The following FHIT variants were observed in gnomAD, a reference collection of about 807,000 sequenced individuals.
The protein encoded by FHIT is fragile histidine triad diadenosine triphosphatase.
FHIT carries 19 observed loss-of-function variants against 17.9 expected under a neutral mutation model. The ratio of observed to expected loss-of-function variants is 1.06; its 90% CI spans 0.74 to 1.56. The LOEUF (loss-of-function observed/expected upper bound fraction) is 1.56, where lower values mean the gene tolerates loss of function less well. Ranked by LOEUF, FHIT falls within the 40% of genes most tolerant of loss-of-function variation. The probability of loss-of-function intolerance (pLI) is 0.00; values close to 1 mark genes in which losing one functional copy is unlikely to be tolerated. For synonymous variants in FHIT, 81 were observed against 69.7 expected (o/e 1.16, Z -0.81); for missense variants, 248 against 189.2 (o/e 1.31, Z -1.82).
At chr3:61,195,185 T>C (rs1391852070) in intron 2 of FHIT, among the ~76,000 whole-genome samples, 1 of 152,060 alleles carries the variant, frequency 6.6e-6, no homozygotes, top group Non-Finnish European at 1.5e-5. Flanking sequence ...TCTCATTGCT[T>C]TTGTACCAGA....
intron 2 of FHIT, among the ~76,000 whole-genome samples, chr3:61,119,898 T>C (rs146688097): frequency 0.013 from 1,939 of 152,342 alleles, 20 homozygotes; most frequent in Non-Finnish European, 0.019. Context: ...AGGCTGAGAC[T>C]ATACCGCCAG....
chr3:59,919,789 C>G (rs1436759645), intron 8 of FHIT, among the ~76,000 whole-genome samples: 1 of 152,228 alleles, frequency 6.6e-6, no homozygotes, highest in Non-Finnish European at 1.5e-5. Context: ...TAATCTAGAG[C>G]AAGTGCTCCC....
At chr3:59,830,865 T>C (rs899108665) in intron 8 of FHIT, among the ~76,000 whole-genome samples, 2 of 152,160 alleles carry the variant, frequency 1.3e-5, no homozygotes, top group African/African-American at 4.8e-5. Flanking sequence ...CACTGGGTGA[T>C]TTATATAGAA....
intron 4 of FHIT, among the ~76,000 whole-genome samples, chr3:60,614,951 T>G (rs1326188099): frequency 6.6e-6 from 1 of 150,676 alleles, no homozygotes; most frequent in Non-Finnish European, 1.5e-5. Context: ...TGCCTCAGTC[T>G]CCCGGGTAGC....
intron 2 of FHIT, among the ~76,000 whole-genome samples, chr3:61,131,323 T>C (rs1576072314): frequency 6.6e-6 from 1 of 152,202 alleles, no homozygotes; most frequent in Admixed American, 6.5e-5. Context: ...GCATTTTTAG[T>C]GGACATCAGC....
intron 5 of FHIT, among the ~76,000 whole-genome samples, chr3:60,150,109 C>A (rs1290820829): frequency 6.8e-6 from 1 of 148,070 alleles, no homozygotes; most frequent in African/African-American, 2.6e-5. Context: ...GATTCTCCTG[C>A]CTCAGCCTTC....
chr3:60,229,432 A>C (rs1005921530), intron 5 of FHIT, among the ~76,000 whole-genome samples: 1 of 151,902 alleles, frequency 6.6e-6, no homozygotes, highest in African/African-American at 2.4e-5. Flanking sequence ...AAGAAAAAAA[A>C]AAAAAGAAAA....
intron 8 of FHIT, among the ~76,000 whole-genome samples, chr3:59,820,988 G>T (rs112066546): frequency 2.0e-5 from 3 of 152,172 alleles, no homozygotes; most frequent in African/African-American, 7.2e-5. Flanking sequence ...TTATGGGAAG[G>T]TGAGTAAGAT....
chr3:60,325,189 T>A (rs552448855), intron 5 of FHIT, among the ~76,000 whole-genome samples: 3 of 152,204 alleles, frequency 2.0e-5, no homozygotes, highest in Admixed American at 2.0e-4. Context: ...TGTAGAAATA[T>A]GAAGCCATGC....
intron 5 of FHIT, among the ~76,000 whole-genome samples, chr3:60,421,172 C>A (rs1205772301): frequency 6.6e-6 from 1 of 152,018 alleles, no homozygotes; most frequent in Non-Finnish European, 1.5e-5. Context: ...TCTACTGCCT[C>A]TATCCATCTT....
intron 5 of FHIT, among the ~76,000 whole-genome samples, chr3:60,368,263 T>C (rs907460808): frequency 2.0e-5 from 3 of 151,638 alleles, no homozygotes; most frequent in Non-Finnish European, 4.4e-5. Context: ...ATACTCCCAC[T>C]AGCTATGTTT....
intron 4 of FHIT, among the ~76,000 whole-genome samples, chr3:60,569,756 T>TATATATATATATATATATA (rs1491532042): frequency 1.4e-4 from 4 of 28,658 alleles, no homozygotes; most frequent in Non-Finnish European, 2.7e-4. Context: ...TATATATATA[T>TATATATATATATATATATA]TTTTTTTTTT....
intron 5 of FHIT, among the ~76,000 whole-genome samples, chr3:60,357,955 G>C (rs1559849457): frequency 6.6e-6 from 1 of 152,094 alleles, no homozygotes; most frequent in Non-Finnish European, 1.5e-5. Context: ...ATTATGTACA[G>C]CAGCATCAGC....
intron 2 of FHIT, among the ~76,000 whole-genome samples, chr3:61,102,652 T>A (rs1220341594): frequency 6.6e-6 from 1 of 152,228 alleles, no homozygotes; most frequent in Non-Finnish European, 1.5e-5. Context: ...TTTGTATCTC[T>A]GGTAGAATTT....
intron 5 of FHIT, among the ~76,000 whole-genome samples, chr3:60,294,286 C>T (rs183330): frequency 0.41 from 62,690 of 151,934 alleles, 14,474 homozygotes; most frequent in Non-Finnish European, 0.52. Flanking sequence ...AAGCGTACTT[C>T]TGAGATGGTG....
chr3:60,142,630 T>C (rs1700087007), intron 5 of FHIT, among the ~76,000 whole-genome samples: 1 of 152,118 alleles, frequency 6.6e-6, no homozygotes, highest in Admixed American at 6.5e-5. Context: ...GCCACCCAAG[T>C]AGCTGGGACT....
chr3:60,894,349 C>T (rs953379796), intron 3 of FHIT, among the ~76,000 whole-genome samples: 5 of 152,186 alleles, frequency 3.3e-5, no homozygotes, highest in East Asian at 1.9e-4. Context: ...AGAGTCACCC[C>T]GTCCTTTCCA....
At chr3:60,336,571 T>G (rs1013118079) in intron 5 of FHIT, among the ~76,000 whole-genome samples, 4 of 152,170 alleles carry the variant, frequency 2.6e-5, no homozygotes, top group African/African-American at 9.6e-5. Flanking sequence ...TCTAAATAGA[T>G]CTGTGCTATC....
intron 8 of FHIT, among the ~76,000 whole-genome samples, chr3:59,905,242 G>C (rs1575673173): frequency 6.6e-6 from 1 of 152,294 alleles, no homozygotes; most frequent in East Asian, 1.9e-4. Flanking sequence ...AATTATGACA[G>C]GGGCTTGGCA....
Sources: allele counts gnomAD v4.1 joint callset (sites outside exome capture counted in the v4.1 genomes callset), GRCh38; gene constraint gnomAD v4.1.1; transcripts MANE v1.5; gene names NCBI Gene and HGNC (gene_info 2026-07-23, HGNC 2026-07-21).